Variants in SLC8A1 observed in about 807,000 individuals in gnomAD.
SLC8A1 encodes the protein solute carrier family 8 member A1.
A neutral mutation model predicts 68.3 loss-of-function variants in SLC8A1; 18 were observed. The ratio of observed to expected loss-of-function variants is 0.26; its 90% confidence interval spans 0.18 to 0.39. The LOEUF (loss-of-function observed/expected upper bound fraction) is 0.39. Among genes scored for constraint, SLC8A1 ranks in the 10% least tolerant of loss-of-function variants. SLC8A1 has a pLI of 1.00. For synonymous variants in SLC8A1, 475 were observed against 415.5 expected (o/e 1.14, Z -1.74); for missense variants, 985 against 1,156.7 (o/e 0.85, Z 2.15).
chr2:40,246,175 G>A (rs534893576), intron 2 of SLC8A1, among the ~76,000 whole-genome samples: 21 of 152,274 alleles, frequency 1.4e-4, no homozygotes, highest in Admixed American at 4.6e-4. Context: ...TATTCCAGAT[G>A]TAGGTTTTAT....
chr2:40,142,967 A>T (rs1001927669), intron 6 of SLC8A1, among the ~76,000 whole-genome samples: 1 of 145,056 alleles, frequency 6.9e-6, no homozygotes, highest in Non-Finnish European at 1.5e-5. Flanking sequence ...TGTGTGTGTG[A>T]GAGCGAGAGA....
At chr2:40,450,068 T>C (rs2149870724) in intron 1 of SLC8A1, among the ~76,000 whole-genome samples, 1 of 152,230 alleles carries the variant, frequency 6.6e-6, no homozygotes, top group East Asian at 1.9e-4. Flanking sequence ...TGAAATAAGT[T>C]GGTCCTCCCC....
chr2:40,281,687 G>A (rs911897923), intron 2 of SLC8A1, among the ~76,000 whole-genome samples: 1 of 152,298 alleles, frequency 6.6e-6, no homozygotes. Flanking sequence ...TGTGGAGCTG[G>A]GAATGTCTGG....
In SLC8A1 at chr2:40,488,242, C is replaced by T. The variant is rs1380000502; in HGVS notation, c.-25+24107G>A. ...TGTAGACAGAAAAAAAAAAAAAAGA[C>T]TGAAACAAAAGTAAAGGATTTTAAT... On this transcript the variant is annotated intron_variant, in intron 1 of 7. Coordinates refer to the SLC8A1 transcript ENST00000402441. Among the ~76,000 whole-genome samples, 3 of 148,082 alleles carry T rather than the reference C, an allele frequency of 2.0e-5. No homozygotes were observed. In the South Asian group the frequency reaches 6.3e-4, roughly 31 times the overall value.
intron 2 of SLC8A1, among the ~76,000 whole-genome samples, chr2:40,339,168 C>T (rs1326608301): frequency 3.9e-5 from 6 of 152,174 alleles, no homozygotes; most frequent in Non-Finnish European, 7.4e-5. Context: ...TCTTTTAGTT[C>T]TTAGTAAGCA....
At chr2:40,460,864 C>T (rs1703300199) in intron 1 of SLC8A1, among the ~76,000 whole-genome samples, 1 of 106,540 alleles carries the variant, frequency 9.4e-6, no homozygotes, top group Non-Finnish European at 2.2e-5. Context: ...TGAGCCACCG[C>T]ACCTGACTAT....
intron 1 of SLC8A1, among the ~76,000 whole-genome samples, chr2:40,472,576 C>G (rs1398035614): frequency 2.0e-5 from 3 of 152,084 alleles, no homozygotes; most frequent in African/African-American, 7.2e-5. Flanking sequence ...TGTGCCCAGG[C>G]TGGTCTCAAA....
At chr2:40,116,632 A>G (rs1437962228) in intron 7 of SLC8A1, among the ~76,000 whole-genome samples, 2 of 151,468 alleles carry the variant, frequency 1.3e-5, no homozygotes, top group East Asian at 1.9e-4. Flanking sequence ...AGGCTTAGAG[A>G]TGACAAGTAG....
intron 2 of SLC8A1, chr2:40,223,524 A>T (rs2058609996): frequency 1.3e-5 from 2 of 152,176 alleles, no homozygotes; most frequent in African/African-American, 2.4e-5. Context: ...TATTAAAAAA[A>T]AGTCTGAGTG....
chr2:40,347,676 A>G (rs1004063239), intron 2 of SLC8A1, among the ~76,000 whole-genome samples: 8 of 152,234 alleles, frequency 5.3e-5, no homozygotes, highest in African/African-American at 1.9e-4. Flanking sequence ...ATGTTATACT[A>G]ACAATTTTAA....
At chr2:40,368,441 G>A (rs1244691224) in intron 2 of SLC8A1, among the ~76,000 whole-genome samples, 1 of 151,856 alleles carries the variant, frequency 6.6e-6, no homozygotes, top group African/African-American at 2.4e-5. Flanking sequence ...AAGTCTTTCA[G>A]TTATCTGTTT....
In SLC8A1 at chr2:40,448,111, T is replaced by G. The variant is rs186880476; in HGVS notation, c.-25+3793A>C. Among the ~76,000 whole-genome samples, 393 of 152,218 alleles carry G rather than the reference T, an allele frequency of 2.6e-3. 2 individuals are homozygous for G. Among genetic ancestry groups the G allele is most frequent in the African/African-American group, 8.0e-3 (331 of 41,464 alleles). Reference sequence around the variant, plus strand: ...GGACTACGAGCAACTGTCTTATAAGTCAATGCACTGGAAAATACATCAGAA... The same window carrying G: ...GGACTACGAGCAACTGTCTTATAAGGCAATGCACTGGAAAATACATCAGAA... On this transcript the variant is annotated intron_variant, in intron 1 of 7. Coordinates refer to ENST00000406785, the Ensembl canonical transcript of SLC8A1.
intron 2 of SLC8A1, among the ~76,000 whole-genome samples, chr2:40,198,271 T>C (rs1413748205): frequency 6.6e-6 from 1 of 151,942 alleles, no homozygotes; most frequent in Non-Finnish European, 1.5e-5. Context: ...GCAAAAAACC[T>C]CAAAACAATT....
intron 2 of SLC8A1, among the ~76,000 whole-genome samples, chr2:40,344,959 A>AT (rs1281503092): frequency 5.9e-5 from 9 of 152,262 alleles, no homozygotes; most frequent in African/African-American, 2.2e-4. Flanking sequence ...GGATGGACAA[A>AT]TTCTAGAGGA....
chr2:40,404,521 T>A (rs577818654), intron 2 of SLC8A1, among the ~76,000 whole-genome samples: 1 of 152,288 alleles, frequency 6.6e-6, no homozygotes, highest in South Asian at 2.1e-4. Context: ...CCCAAGAGTT[T>A]GTGCATGTTG....
chr2:40,246,615 C>A (rs2061900909), intron 2 of SLC8A1, among the ~76,000 whole-genome samples: 1 of 152,204 alleles, frequency 6.6e-6, no homozygotes. Context: ...GCTGAATGCA[C>A]TGTGTTTCCA....
chr2:40,444,168 C>G (rs1256482332), intron 1 of SLC8A1, among the ~76,000 whole-genome samples: 4 of 151,956 alleles, frequency 2.6e-5, no homozygotes, highest in South Asian at 2.1e-4. Flanking sequence ...ACCCCTGTCT[C>G]TACAAAAATA....
chr2:40,365,325 T>G (rs192485441), intron 2 of SLC8A1, among the ~76,000 whole-genome samples: 1 of 152,170 alleles, frequency 6.6e-6, no homozygotes, highest in Non-Finnish European at 1.5e-5. Context: ...ACTTAATTTA[T>G]TGTGCATTTG....
At chr2:40,423,056 G>A (rs1695939123) in intron 2 of SLC8A1, among the ~76,000 whole-genome samples, 1 of 152,060 alleles carries the variant, frequency 6.6e-6, no homozygotes, top group African/African-American at 2.4e-5. Context: ...AACAAAAAGG[G>A]TTCTACAAAT....
Sources: allele counts gnomAD v4.1 joint callset (sites outside exome capture counted in the v4.1 genomes callset), GRCh38; gene constraint gnomAD v4.1.1; transcripts MANE v1.5; gene names NCBI Gene and HGNC (gene_info 2026-07-23, HGNC 2026-07-21).